Variants in MB21D2 observed in about 807,000 individuals in gnomAD.
The protein encoded by MB21D2 is Mab-21 domain containing 2.
MB21D2 carries 9 observed loss-of-function variants against 33.3 expected under a neutral mutation model. The observed-to-expected ratio is 0.27, with a 90% confidence interval of 0.16 to 0.47. The LOEUF (loss-of-function observed/expected upper bound fraction) is 0.47, where lower values mean the gene tolerates loss of function less well. Ranked by LOEUF, MB21D2 falls within the 20% of genes least tolerant of loss-of-function variation. The pLI is 0.99. For missense variants in MB21D2, 540 were observed against 624.6 expected, an observed-to-expected ratio of 0.86 and a Z score of 1.44; for synonymous variants, 241 against 236.3, an observed-to-expected ratio of 1.02 and a Z score of -0.18.
chr3:192,913,000 A>G (rs926456244), intron 1 of MB21D2, among the ~76,000 whole-genome samples: 2 of 152,270 alleles, frequency 1.3e-5, no homozygotes, highest in Non-Finnish European at 2.9e-5. Flanking sequence ...TAGGCAAAGT[A>G]GCTAGCACAA....
At chr3:192,877,516 G>A (rs1038272033) in intron 1 of MB21D2, among the ~76,000 whole-genome samples, 30 of 152,232 alleles carry the variant, frequency 2.0e-4, no homozygotes, top group Middle Eastern at 6.8e-3. Context: ...TGCCCATCGC[G>A]TATATCAACT....
chr3:192,896,649 G>C (rs906595371), intron 1 of MB21D2, among the ~76,000 whole-genome samples: 2 of 152,162 alleles, frequency 1.3e-5, no homozygotes, highest in African/African-American at 4.8e-5. Context: ...TGCCTACAAA[G>C]ACATTGCCAC....
intron 1 of MB21D2, among the ~76,000 whole-genome samples, chr3:192,800,972 T>C (rs1175828512): frequency 6.6e-6 from 1 of 152,256 alleles, no homozygotes; most frequent in African/African-American, 2.4e-5. Flanking sequence ...TCGAATTGTA[T>C]ACGTTTCTGA....
chr3:192,908,280 C>A (rs1007976486), intron 1 of MB21D2, among the ~76,000 whole-genome samples: 1 of 152,094 alleles, frequency 6.6e-6, no homozygotes, highest in Admixed American at 6.6e-5. Flanking sequence ...TGTGCATGAC[C>A]CCCTGGGTGC....
intron 1 of MB21D2, among the ~76,000 whole-genome samples, chr3:192,900,863 C>A (rs777763745): frequency 7.9e-5 from 12 of 152,060 alleles, no homozygotes; most frequent in African/African-American, 2.9e-4. Flanking sequence ...ATCACTTGAA[C>A]CCCGGAGGCA....
chr3:192,888,302 A>G (rs1486591527), intron 1 of MB21D2, among the ~76,000 whole-genome samples: 1 of 152,126 alleles, frequency 6.6e-6, no homozygotes, highest in African/African-American at 2.4e-5. Context: ...AAAGAAACAC[A>G]TCCAGAAGCC....
intron 1 of MB21D2, among the ~76,000 whole-genome samples, chr3:192,895,944 C>T (rs981325086): frequency 4.6e-5 from 7 of 152,106 alleles, no homozygotes; most frequent in Non-Finnish European, 5.9e-5. Flanking sequence ...TCACACTAGA[C>T]CTTTATTCAG....
intron 1 of MB21D2, among the ~76,000 whole-genome samples, chr3:192,851,648 C>T (rs1712809077): frequency 7.0e-6 from 1 of 142,864 alleles, no homozygotes. Context: ...GCATGCACCG[C>T]CATATCCCGC....
At chr3:192,838,138 G>A (rs1712480678) in intron 1 of MB21D2, among the ~76,000 whole-genome samples, 2 of 152,180 alleles carry the variant, frequency 1.3e-5, no homozygotes, top group Admixed American at 1.3e-4. Flanking sequence ...CCAAGTCATT[G>A]ACCAGAGGCC....
At chr3:192,801,628 G>A (rs1419565034) in intron 1 of MB21D2, among the ~76,000 whole-genome samples, 1 of 152,164 alleles carries the variant, frequency 6.6e-6, no homozygotes, top group Non-Finnish European at 1.5e-5. Context: ...TGAGGACACA[G>A]TGAGAAGACA....
chr3:192,888,110 C>T (rs561914663), intron 1 of MB21D2, among the ~76,000 whole-genome samples: 2 of 152,036 alleles, frequency 1.3e-5, no homozygotes, highest in Non-Finnish European at 2.9e-5. Context: ...TCCTTTGCAC[C>T]CCAGCACCAG....
At chr3:192,836,551 G>A (rs1234507639) in intron 1 of MB21D2, among the ~76,000 whole-genome samples, 1 of 152,234 alleles carries the variant, frequency 6.6e-6, no homozygotes, top group Non-Finnish European at 1.5e-5. Context: ...GCACAAGGGT[G>A]CACAAACACA....
chr3:192,903,616 A>C (rs1261099696), intron 1 of MB21D2, among the ~76,000 whole-genome samples: 1 of 152,208 alleles, frequency 6.6e-6, no homozygotes, highest in Non-Finnish European at 1.5e-5. Context: ...CAGTAAAATA[A>C]GGATAATAGT....
At chr3:192,864,610 G>A (rs573493937) in intron 1 of MB21D2, among the ~76,000 whole-genome samples, 90 of 152,080 alleles carry the variant, frequency 5.9e-4, no homozygotes, top group Non-Finnish European at 1.0e-3. Flanking sequence ...GGGTTCAAGC[G>A]ATTCTCCTGC....
At chr3:192,857,110 C>G (rs1712934213) in intron 1 of MB21D2, among the ~76,000 whole-genome samples, 1 of 152,036 alleles carries the variant, frequency 6.6e-6, no homozygotes, top group Non-Finnish European at 1.5e-5. Context: ...AAAAGAAAGG[C>G]AAGCAGAAAT....
intron 1 of MB21D2, among the ~76,000 whole-genome samples, chr3:192,898,468 G>A (rs2133864): frequency 1.3e-5 from 2 of 151,900 alleles, no homozygotes; most frequent in Admixed American, 1.3e-4. Context: ...GCTACAAAGA[G>A]GTGGGAGACT....
chr3:192,868,641 G>A (rs1713219829), intron 1 of MB21D2, among the ~76,000 whole-genome samples: 1 of 152,044 alleles, frequency 6.6e-6, no homozygotes, highest in Non-Finnish European at 1.5e-5. Context: ...TCATCTTAAA[G>A]GGGGAAAAGA....
In MB21D2 at chr3:192,882,406, C is replaced by T. The variant is rs534271616; in HGVS notation, c.211+35224G>A. Among the ~76,000 whole-genome samples the T allele has an allele frequency of 7.6e-4, 116 of 151,936 alleles. 1 individual carries two copies. The highest frequency in any genetic ancestry group is 2.6e-3 in the African/African-American group (107 of 41,330). ...TAAACAAAATGGCCAAATGAATGAA[C>T]GTATATGCTCCTTTGCTAAAGGCAG... On this transcript the variant is annotated intron_variant, in intron 1 of 1. Coordinates refer to ENST00000392452, the MANE Select transcript of MB21D2 (RefSeq NM_178496.4).
Position 192,797,867 on chromosome 3 carries a change from T to C in MB21D2, c.*519A>G, listed in dbSNP as rs1197820753. 2 of 153,034 alleles carry C rather than the reference T, an allele frequency of 1.3e-5. No individual in the cohort carries two copies. Among genetic ancestry groups the C allele is most frequent in the South Asian group, 2.1e-4 (1 of 4,854 alleles). The allele number at this position is 153,034 out of a possible 1,614,324, so 9.5% of individuals were successfully genotyped here. A position where few individuals can be genotyped will look rare whatever the true frequency, so the allele number is the denominator to read the frequency against. The stretch of plus-strand genomic sequence containing the variant: ...TTGTTTGGTGGAAAAGGGGGGAAAC[T>C]ACTCTGGTCACTGGCCAAAATAAAT... On this transcript the variant is annotated 3_prime_UTR_variant, in exon 2 of 2. Transcript: ENST00000392452.
Sources: allele counts gnomAD v4.1 joint callset (sites outside exome capture counted in the v4.1 genomes callset), GRCh38; gene constraint gnomAD v4.1.1; transcripts MANE v1.5; gene names NCBI Gene and HGNC (gene_info 2026-07-23, HGNC 2026-07-21).